The following RBM28 variants were observed in gnomAD, a reference collection of about 807,000 sequenced individuals.
RBM28 encodes RNA-binding protein 28.
Under a neutral mutation model 98.3 loss-of-function variants are expected in RBM28, and 78 were observed. The observed-to-expected ratio is 0.79, with a 90% CI of 0.66 to 0.96. RBM28 has a LOEUF of 0.96. RBM28 is among the 40% of genes least tolerant of loss of function. The pLI is 0.00. For synonymous variants in RBM28, 306 were observed against 330.9 expected, an observed-to-expected ratio of 0.92 and a Z score of 0.82; for missense variants, 838 against 913.0, an observed-to-expected ratio of 0.92 and a Z score of 1.06.
At position 128,321,258 on chromosome 7, in the gene RBM28, C is replaced by T. The variant is rs780440839; in HGVS notation, c.1563+8G>A. 3.1e-6 allele frequency: 5 copies of T among 1,614,100 alleles called. No homozygotes were observed. Among genetic ancestry groups the T allele is most frequent in the South Asian group, 1.1e-5 (1 of 91,076 alleles). ...GAAAGCTCCAAAATGGTCAGGGCCACGTCTCACCTCCTTGATGCGCACCCC... is the reference window on the plus strand; with the variant it reads ...GAAAGCTCCAAAATGGTCAGGGCCATGTCTCACCTCCTTGATGCGCACCCC... On this transcript the variant is annotated splice_region_variant and intron_variant, in intron 14 of 18. Coordinates refer to ENST00000223073, the MANE Select transcript of RBM28 (RefSeq NM_018077.3).
At position 128,301,853 on chromosome 7, in the gene RBM28, C is replaced by T; in HGVS notation, c.*8944G>A. The T allele has an allele frequency of 6.6e-6, 1 of 152,384 alleles. No homozygotes were observed. Among genetic ancestry groups the T allele is most frequent in the Non-Finnish European group, 1.5e-5 (1 of 68,064 alleles). The allele number at this position is 152,384 out of a possible 1,614,324, so 9.4% of individuals were successfully genotyped here. The stretch of plus-strand genomic sequence containing the variant: ...CCCACAGGAAGGATGGGCCCAGAAA[C>T]TGACTTTCCATGGCTCCGACGAGGG... On this transcript the variant is annotated 3_prime_UTR_variant, in exon 19 of 19. Coordinates refer to ENST00000223073, the MANE Select transcript of RBM28 (RefSeq NM_018077.3).
At position 128,317,749 on chromosome 7, in the gene RBM28, A is replaced by T; in HGVS notation, c.1714-16T>A. The T allele has an allele frequency of 6.4e-7, 1 of 1,567,606 alleles. No homozygotes were observed. Among genetic ancestry groups the T allele is most frequent in the Non-Finnish European group, 8.8e-7 (1 of 1,138,100 alleles). ...CTATTGGTCTCTGTCAGAGGGAGAC[A>T]GAATGCCATTCATTAGACTTCTTAA... On this transcript the variant is annotated splice_polypyrimidine_tract_variant and intron_variant, in intron 15 of 18. Coordinates refer to ENST00000223073, the MANE Select transcript of RBM28 (RefSeq NM_018077.3).
In RBM28 at chr7:128,338,644, T is replaced by C. The variant is rs1010561123; in HGVS notation, c.448+82A>G. On this transcript the variant is annotated intron_variant, in intron 4 of 18. Transcript: ENST00000223073. ...ATTAGATGTGAAGCACTGTGCCAAA[T>C]ACTTCATATATATCATATATGTTTG... 1.6e-5 allele frequency: 17 copies of C among 1,036,072 alleles called. No homozygotes were observed. The African/African-American group carries it at 2.4e-4, about 14-fold the overall frequency. The allele number at this position is 1,036,072 out of a possible 1,614,324, so 64.2% of individuals were successfully genotyped here.
At position 128,343,876 on chromosome 7, in the gene RBM28, A is replaced by G. The variant is rs555046525; in HGVS notation, c.-83T>C. The G allele has an allele frequency of 2.1e-6, 2 of 952,962 alleles. No homozygotes were observed. Among genetic ancestry groups the G allele is most frequent in the African/African-American group, 1.7e-5 (1 of 59,550 alleles). 59.0% of individuals were successfully genotyped at this position (952,962 alleles called of 1,614,324 possible). ...GCCGAAACGCTGGCTTTGGTAGGAC[A>G]ACCAAGCTCACACGCCGAGAGATTC... On this transcript the variant is annotated 5_prime_UTR_variant, in exon 1 of 19. Transcript: ENST00000223073.
At chr7:128,333,727 T>C (rs1211216671) in intron 8 of RBM28, among the ~76,000 whole-genome samples, 1 of 151,686 alleles carries the variant, frequency 6.6e-6, no homozygotes, top group African/African-American at 2.4e-5. Context: ...TCAAAAAAAA[T>C]AAATAAATAA....
chr7:128,338,399 T>TAA (rs1365865143), intron 4 of RBM28, 57 bp from the exon 5 acceptor site: 11 of 1,422,154 alleles, frequency 7.7e-6, no homozygotes, highest in Non-Finnish European at 1.1e-5. Context: ...GCCAGAATAC[T>TAA]AAGAAGTAAA....
At chr7:128,314,002 G>T (rs566772672) in intron 17 of RBM28, among the ~76,000 whole-genome samples, 1 of 150,610 alleles carries the variant, frequency 6.6e-6, no homozygotes. Flanking sequence ...TCGCTCTTTC[G>T]CCCAGGCCAG....
chr7:128,312,609 T>C (rs1309658200), intron 18 of RBM28, among the ~76,000 whole-genome samples: 1 of 151,824 alleles, frequency 6.6e-6, no homozygotes, highest in Non-Finnish European at 1.5e-5. Context: ...GAATGGATAT[T>C]AGAGAAGAAA....
chr7:128,314,374 G>A (rs1796060155), intron 17 of RBM28, among the ~76,000 whole-genome samples: 1 of 152,160 alleles, frequency 6.6e-6, no homozygotes, highest in African/African-American at 2.4e-5. Flanking sequence ...AAAACCCCAT[G>A]GATATCTCAA....
intron 8 of RBM28, among the ~76,000 whole-genome samples, chr7:128,335,029 G>C (rs1228479693): frequency 6.6e-6 from 1 of 152,210 alleles, no homozygotes; most frequent in Non-Finnish European, 1.5e-5. Context: ...GGGACTTCTA[G>C]CCTCTAGAGC....
intron 8 of RBM28, among the ~76,000 whole-genome samples, chr7:128,334,190 A>G (rs1039190031): frequency 6.6e-6 from 1 of 152,270 alleles, no homozygotes; most frequent in Non-Finnish European, 1.5e-5. Flanking sequence ...GAACAGACAT[A>G]TAAGCTTATA....
chr7:128,311,613 T>A (rs1032289108), intron 18 of RBM28, among the ~76,000 whole-genome samples: 14 of 152,138 alleles, frequency 9.2e-5, no homozygotes, highest in African/African-American at 2.7e-4. Context: ...GAAGCCAACC[T>A]GCAGGGGCTT....
At chr7:128,329,091 G>GGT (rs1487940373) in intron 10 of RBM28, among the ~76,000 whole-genome samples, 3 of 151,814 alleles carry the variant, frequency 2.0e-5, no homozygotes, top group Admixed American at 2.0e-4. Context: ...GCACACACCA[G>GGT]GTCTTAAACT....
chr7:128,317,066 T>C (rs1796120864), intron 16 of RBM28, among the ~76,000 whole-genome samples: 1 of 152,230 alleles, frequency 6.6e-6, no homozygotes, highest in African/African-American at 2.4e-5. Flanking sequence ...TGCAGTATGC[T>C]AGACGATGGA....
At chr7:128,312,950 T>C (rs1381999085) in intron 18 of RBM28, 3 of 570,802 alleles carry the variant, frequency 5.3e-6, no homozygotes, top group African/African-American at 1.9e-5. Flanking sequence ...ATGGGGAATA[T>C]GTAAAACAAG....
chr7:128,317,911 G>C, intron 15 of RBM28, 46 bp downstream of exon 15: 1 of 1,608,088 alleles, frequency 6.2e-7, no homozygotes, highest in Non-Finnish European at 8.5e-7. Flanking sequence ...CTGGTTTCCT[G>C]CAAGTGGTCC....
At position 128,317,735 on chromosome 7, in the gene RBM28, T is replaced by A; in HGVS notation, c.1714-2A>T. The A allele has an allele frequency of 1.3e-6, 2 of 1,595,050 alleles. No homozygotes were observed. Among genetic ancestry groups the A allele is most frequent in the Non-Finnish European group, 8.6e-7 (1 of 1,162,856 alleles). On this transcript the variant is annotated splice_acceptor_variant, in intron 15 of 18. Transcript: ENST00000223073. LOFTEE classifies it high-confidence loss of function. ...TAAAGAGAACTCCACTATTGGTCTC[T>A]GTCAGAGGGAGACAGAATGCCATTC...
At position 128,321,369 on chromosome 7, in the gene RBM28, G is replaced by C; in HGVS notation, c.1460C>G (p.Thr487Ser). 2 of 1,614,198 alleles carry C rather than the reference G, an allele frequency of 1.2e-6. No homozygotes were observed. The highest frequency in any genetic ancestry group is 1.7e-6 in the Non-Finnish European group (2 of 1,180,042). The change falls in exon 14 of 19, where the codon ACC becomes AGC. Residue 487 changes from threonine to serine, a missense_variant. By Grantham distance (58) the Thr-to-Ser change is moderately conservative (BLOSUM62 1). Coordinates refer to ENST00000223073, the MANE Select transcript of RBM28 (RefSeq NM_018077.3). ...TGGGAGATTGTGCAGGCAGAGCCTG[G>C]TTCGGGAGACAAAGATATTCTGGTC... The part of the protein sequence containing the change: ...LKDQNIFVSR[T>S]RLCLHNLPKA...
chr7:128,321,511 C>T (rs531878287), intron 13 of RBM28, 87 bp from the exon 14 acceptor site: 2 of 1,520,524 alleles, frequency 1.3e-6, no homozygotes, highest in African/African-American at 2.7e-5. Flanking sequence ...AATTATGATC[C>T]TCATCCCATA....
Sources: allele counts gnomAD v4.1 joint callset (sites outside exome capture counted in the v4.1 genomes callset), GRCh38; gene constraint gnomAD v4.1.1; transcripts MANE v1.5; gene names NCBI Gene and HGNC (gene_info 2026-07-23, HGNC 2026-07-21).